The following CSMD1 variants were observed in gnomAD, a reference collection of about 807,000 sequenced individuals.
CSMD1 encodes CUB and sushi domain-containing protein 1.
A neutral mutation model predicts 417.5 loss-of-function variants in CSMD1; 213 were observed. The ratio of observed to expected loss-of-function variants is 0.51; its 90% CI spans 0.46 to 0.57. CSMD1 has a LOEUF of 0.57. CSMD1 is among the 20% of genes least tolerant of loss of function. The probability of loss-of-function intolerance (pLI) is 0.00; values close to 1 mark genes in which losing one functional copy is unlikely to be tolerated. For synonymous variants in CSMD1, 2,862 were observed against 1,736.8 expected, an observed-to-expected ratio of 1.65 and a Z score of -16.11; for missense variants, 6,923 against 4,529.7, an observed-to-expected ratio of 1.53 and a Z score of -15.17.
At chr8:4,396,321 G>A (rs749551707) in intron 3 of CSMD1, among the ~76,000 whole-genome samples, 1 of 149,980 alleles carries the variant, frequency 6.7e-6, no homozygotes, top group Non-Finnish European at 1.5e-5. Flanking sequence ...AAAAAAAATA[G>A]CCAGGCATGG....
intron 17 of CSMD1, among the ~76,000 whole-genome samples, chr8:3,395,078 A>C (rs979664396): frequency 6.6e-6 from 1 of 152,144 alleles, no homozygotes; most frequent in Admixed American, 6.6e-5. Context: ...CAAGAGTAAT[A>C]GGAGGTGATG....
chr8:4,490,039 ATTT>A lies in CSMD1; in HGVS notation c.303-69977_303-69975del, dbSNP rs67307681. Among the ~76,000 whole-genome samples the A allele has an allele frequency of 9.6e-3, 1,262 of 131,252 alleles. 8 individuals carry two copies. The highest frequency in any genetic ancestry group is 0.022 in the African/African-American group (755 of 34,644). 86.1% of individuals were successfully genotyped at this position (131,252 alleles called of 152,430 possible). On this transcript the variant is annotated intron_variant, in intron 2 of 69. Transcript: ENST00000635120. Reference sequence around the variant, plus strand: ...GTCAATTTACGATACTCAGGTACCAATTTTTTTTTTTTTTTTTTTTCAGACCGA... The same window carrying A: ...GTCAATTTACGATACTCAGGTACCAATTTTTTTTTTTTTTTTTCAGACCGA...
At chr8:3,936,087 T>A (rs539871578) in intron 5 of CSMD1, among the ~76,000 whole-genome samples, 56 of 152,012 alleles carry the variant, frequency 3.7e-4, no homozygotes, top group Non-Finnish European at 6.3e-4. Flanking sequence ...CCGCAAAATT[T>A]TCTTAAGCCA....
chr8:4,179,495 T>A (rs1167436593), intron 3 of CSMD1, among the ~76,000 whole-genome samples: 1 of 150,916 alleles, frequency 6.6e-6, no homozygotes, highest in Non-Finnish European at 1.5e-5. Context: ...ACCTAGGCAT[T>A]ACCATTCAGG....
chr8:3,471,867 C>A (rs974075676), intron 11 of CSMD1, among the ~76,000 whole-genome samples: 6 of 152,100 alleles, frequency 3.9e-5, no homozygotes, highest in Admixed American at 1.3e-4. Flanking sequence ...AGAATGTGGG[C>A]ATAGCCGTTA....
chr8:3,333,138 C>T (rs573455917), intron 23 of CSMD1, among the ~76,000 whole-genome samples: 1 of 152,116 alleles, frequency 6.6e-6, no homozygotes, highest in African/African-American at 2.4e-5. Flanking sequence ...CTGTGACGAC[C>T]TGAGTTCTGC....
intron 2 of CSMD1, among the ~76,000 whole-genome samples, chr8:4,527,656 T>A (rs1056863856): frequency 7.2e-5 from 11 of 152,200 alleles, no homozygotes; most frequent in South Asian, 2.1e-4. Context: ...ATTTGAATAC[T>A]GAAAGTACAT....
intron 10 of CSMD1, among the ~76,000 whole-genome samples, chr8:3,549,447 G>T (rs922611642): frequency 6.6e-6 from 1 of 152,174 alleles, no homozygotes; most frequent in African/African-American, 2.4e-5. Flanking sequence ...AGGCTCACAT[G>T]GAAACTCAGC....
intron 5 of CSMD1, among the ~76,000 whole-genome samples, chr8:3,908,620 TA>T (rs201421570): frequency 2.6e-5 from 4 of 151,870 alleles, no homozygotes; most frequent in African/African-American, 4.8e-5. Context: ...GAACATTGCT[TA>T]AAAAAAAATC....
intron 3 of CSMD1, among the ~76,000 whole-genome samples, chr8:4,174,884 G>C (rs375998938): frequency 2.0e-5 from 3 of 150,010 alleles, no homozygotes; most frequent in African/African-American, 2.5e-5. Context: ...ATGTACACTA[G>C]ACATCTCAGC....
chr8:2,990,482 T>C (rs1313725996), intron 54 of CSMD1, among the ~76,000 whole-genome samples: 2 of 152,210 alleles, frequency 1.3e-5, no homozygotes, highest in Non-Finnish European at 2.9e-5. Context: ...CCCCTGACTT[T>C]ACAAGTGAGC....
intron 1 of CSMD1, among the ~76,000 whole-genome samples, chr8:4,717,462 A>G (rs1808744480): frequency 6.6e-6 from 1 of 151,570 alleles, no homozygotes; most frequent in Admixed American, 6.6e-5. Context: ...CACTATATAT[A>G]TATATATACA....
intron 2 of CSMD1, among the ~76,000 whole-genome samples, chr8:4,438,715 T>C (rs989673718): frequency 6.6e-6 from 1 of 152,238 alleles, no homozygotes; most frequent in African/African-American, 2.4e-5. Flanking sequence ...TCAGTTGAGA[T>C]TACCTGCAGT....
At chr8:4,000,280 T>C (rs1485229338) in intron 4 of CSMD1, among the ~76,000 whole-genome samples, 1 of 152,050 alleles carries the variant, frequency 6.6e-6, no homozygotes, top group Non-Finnish European at 1.5e-5. Context: ...ACTTCCCTGG[T>C]CAACTGAGAA....
chr8:4,212,706 C>G (rs1800390425), intron 3 of CSMD1, among the ~76,000 whole-genome samples: 1 of 142,934 alleles, frequency 7.0e-6, no homozygotes, highest in African/African-American at 2.6e-5. Context: ...TAACCACATA[C>G]ATGAATATGA....
At chr8:4,253,164 A>T (rs761180736) in intron 3 of CSMD1, among the ~76,000 whole-genome samples, 1 of 152,190 alleles carries the variant, frequency 6.6e-6, no homozygotes. Flanking sequence ...ACTCATTAGG[A>T]AACATTCTAT....
At chr8:3,667,660 G>A (rs1162676611) in intron 7 of CSMD1, among the ~76,000 whole-genome samples, 1 of 152,172 alleles carries the variant, frequency 6.6e-6, no homozygotes, top group Non-Finnish European at 1.5e-5. Flanking sequence ...AGGCCTTGGG[G>A]TGAAGAGCAG....
At chr8:3,279,833 A>G (rs370813979) in intron 26 of CSMD1, among the ~76,000 whole-genome samples, 3 of 152,092 alleles carry the variant, frequency 2.0e-5, no homozygotes, top group East Asian at 3.9e-4. Flanking sequence ...AGACTTACTT[A>G]TTGTCATGAG....
intron 3 of CSMD1, among the ~76,000 whole-genome samples, chr8:4,178,047 A>G (rs1273592283): frequency 6.6e-6 from 1 of 152,208 alleles, no homozygotes; most frequent in Non-Finnish European, 1.5e-5. Flanking sequence ...TCCAATAAAT[A>G]GAAAAAGAGG....
Sources: allele counts gnomAD v4.1 joint callset (sites outside exome capture counted in the v4.1 genomes callset), GRCh38; gene constraint gnomAD v4.1.1; transcripts MANE v1.5; gene names NCBI Gene and HGNC (gene_info 2026-07-23, HGNC 2026-07-21).